The following NAV2 variants were observed in gnomAD, a reference collection of about 807,000 sequenced individuals.
The protein encoded by NAV2 is helicase, APC down-regulated 1.
A neutral mutation model predicts 223.2 loss-of-function variants in NAV2; 54 were observed. The observed-to-expected ratio is 0.24, with a 90% CI of 0.19 to 0.30. The LOEUF (loss-of-function observed/expected upper bound fraction) is 0.30, where lower values mean the gene tolerates loss of function less well. NAV2 is among the 10% of genes least tolerant of loss of function. The pLI, the probability that NAV2 is intolerant of heterozygous loss-of-function variation, is 1.00. For missense variants in NAV2, 2,806 were observed against 3,147.5 expected (o/e 0.89, Z 2.60); for synonymous variants, 1,279 against 1,239.3 (o/e 1.03, Z -0.67).
At chr11:19,914,795 C>A (rs960185597) in intron 6 of NAV2, among the ~76,000 whole-genome samples, 1 of 152,224 alleles carries the variant, frequency 6.6e-6, no homozygotes, top group South Asian at 2.1e-4. Context: ...CCACCCGCCT[C>A]GGCCTCCCAA....
chr11:20,016,429 T>A (rs1180840727), intron 11 of NAV2, among the ~76,000 whole-genome samples: 1 of 152,238 alleles, frequency 6.6e-6, no homozygotes, highest in Non-Finnish European at 1.5e-5. Context: ...GTTTAGAGAT[T>A]AAGGAATATG....
chr11:19,785,220 T>G (rs1425345423), intron 1 of NAV2, among the ~76,000 whole-genome samples: 1 of 152,230 alleles, frequency 6.6e-6, no homozygotes, highest in African/African-American at 2.4e-5. Flanking sequence ...TGGAACAATC[T>G]ACTTCACAGT....
intron 1 of NAV2, among the ~76,000 whole-genome samples, chr11:19,656,238 G>T (rs2048121044): frequency 1.3e-5 from 2 of 152,206 alleles, no homozygotes; most frequent in Non-Finnish European, 2.9e-5. Context: ...GAGAAGAGCT[G>T]CAGGAGGCGC....
chr11:20,080,163 G>A lies in NAV2; in HGVS notation c.5279G>A (p.Gly1760Asp), dbSNP rs768768182. 1.9e-6 allele frequency: 3 copies of A among 1,613,886 alleles called. No individual in the cohort carries two copies. The highest frequency in any genetic ancestry group is 1.3e-5 in the African/African-American group (1 of 74,914). ...INSATSHSSV[G>D]SNIESDSKKK... The stretch of plus-strand genomic sequence containing the variant: ...AGTGCCACCAGCCACTCCAGCGTGG[G>A]CAGCAACATAGAGAGTGACTCAAAG... The change falls in exon 25 of 38, where the codon GGC becomes GAC. Residue 1760 changes from glycine to aspartate, a missense_variant. Gly to Asp is a moderately conservative substitution (Grantham distance 94, BLOSUM62 -1). Around this residue, in one of 4 missense-constraint regions of NAV2, gnomAD observed 824 missense variants for 1,069.4 expected, o/e 0.77. Transcript: ENST00000349880.
At position 19,529,174 on chromosome 11, in the gene NAV2, A is replaced by T. The variant is rs180746159; in HGVS notation, c.75+178147A>T. Among the ~76,000 whole-genome samples, 543 of 152,290 alleles carry T rather than the reference A, an allele frequency of 3.6e-3. 3 individuals are homozygous for T. Among genetic ancestry groups the T allele is most frequent in the African/African-American group, 0.012 (508 of 41,564 alleles). ...ATATTGTCTTTATTTTTCTCATGTT[A>T]TTGGTGCCCCATGAAAACTTCACTG... On this transcript the variant is annotated intron_variant, in intron 1 of 37. Transcript: ENST00000360655.
At chr11:19,763,296 A>G (rs1441406285) in intron 1 of NAV2, among the ~76,000 whole-genome samples, 1 of 152,210 alleles carries the variant, frequency 6.6e-6, no homozygotes, top group Non-Finnish European at 1.5e-5. Context: ...ATGGTGATTG[A>G]TATCTGGAGT....
intron 1 of NAV2, among the ~76,000 whole-genome samples, chr11:19,485,287 A>G (rs557409234): frequency 6.6e-6 from 1 of 152,126 alleles, no homozygotes; most frequent in Admixed American, 6.5e-5. Context: ...GTGTTATCCA[A>G]GGCTCTGTCT....
At chr11:19,594,828 T>G (rs2046162734) in intron 1 of NAV2, among the ~76,000 whole-genome samples, 1 of 152,196 alleles carries the variant, frequency 6.6e-6, no homozygotes, top group African/African-American at 2.4e-5. Context: ...CAATCACAGT[T>G]CCTACTTTGT....
At chr11:19,535,658 C>T (rs374939853) in intron 1 of NAV2, among the ~76,000 whole-genome samples, 5 of 152,214 alleles carry the variant, frequency 3.3e-5, no homozygotes, top group Admixed American at 1.3e-4. Context: ...GTTTCTTCCA[C>T]CTCCTTTGAT....
intron 1 of NAV2, among the ~76,000 whole-genome samples, chr11:19,655,275 T>C (rs1050187384): frequency 6.6e-5 from 10 of 152,172 alleles, no homozygotes; most frequent in Non-Finnish European, 1.2e-4. Context: ...GAAATAGGAA[T>C]GCTTTTGCAC....
intron 1 of NAV2, among the ~76,000 whole-genome samples, chr11:19,702,200 C>G (rs994579229): frequency 6.6e-6 from 1 of 152,130 alleles, no homozygotes; most frequent in Non-Finnish European, 1.5e-5. Flanking sequence ...TCTGTGGGAT[C>G]CGCTTCCCTG....
intron 22 of NAV2, among the ~76,000 whole-genome samples, chr11:20,077,153 T>G (rs1276776399): frequency 6.6e-6 from 1 of 152,166 alleles, no homozygotes; most frequent in Non-Finnish European, 1.5e-5. Context: ...CTGCATGTAT[T>G]TTTAACTATG....
intron 1 of NAV2, among the ~76,000 whole-genome samples, chr11:19,524,254 C>T (rs1162836807): frequency 1.3e-5 from 2 of 152,204 alleles, no homozygotes; most frequent in Admixed American, 6.5e-5. Context: ...AAATTCTGCA[C>T]ATCTGCCACT....
rs187555999 is a variant in NAV2, at chr11:20,045,987, G to T, written c.3902+317G>T. On this transcript the variant is annotated intron_variant, in intron 14 of 37. Transcript: ENST00000349880. ...GGGATGAAGATACTTTTTTGTCAGG[G>T]TTTTTGTAAAGATACATCTTTGTAG... 5.1e-3 allele frequency among the ~76,000 whole-genome samples: 784 copies of T among 152,266 alleles called. 5 individuals are homozygous for T. Among genetic ancestry groups the T allele is most frequent in the Non-Finnish European group, 7.4e-3 (506 of 68,014 alleles).
intron 19 of NAV2, among the ~76,000 whole-genome samples, chr11:20,061,149 A>G (rs2058675136): frequency 6.6e-6 from 1 of 152,230 alleles, no homozygotes. Flanking sequence ...TAACATAGGA[A>G]TAGTTCTGTT....
intron 1 of NAV2, among the ~76,000 whole-genome samples, chr11:19,466,984 T>TCTACACAC (rs200910419): frequency 5.5e-4 from 69 of 125,186 alleles, no homozygotes; most frequent in African/African-American, 1.9e-3. Context: ...TCTCTCTCTC[T>TCTACACAC]ACACACACAC....
chr11:19,735,706 A>G (rs2052221907), intron 1 of NAV2, among the ~76,000 whole-genome samples: 1 of 152,236 alleles, frequency 6.6e-6, no homozygotes, highest in African/African-American at 2.4e-5. Context: ...CCGACAGCCC[A>G]GGAGGTTTGC....
At chr11:20,024,398 A>T (rs910485543) in intron 11 of NAV2, among the ~76,000 whole-genome samples, 19 of 152,178 alleles carry the variant, frequency 1.2e-4, no homozygotes, top group African/African-American at 4.6e-4. Flanking sequence ...AGGAAAGGCC[A>T]GTGACCTTGG....
At chr11:19,527,465 C>T (rs904041518) in intron 1 of NAV2, among the ~76,000 whole-genome samples, 1 of 152,118 alleles carries the variant, frequency 6.6e-6, no homozygotes, top group Non-Finnish European at 1.5e-5. Context: ...TTCATTATCT[C>T]CCAGCCGATA....
Sources: gnomAD v4.1 joint callset for allele counts (sites outside exome capture counted in the v4.1 genomes callset) on GRCh38, gnomAD v4.1.1 for gene constraint, gnomAD v4.1.1 regional missense constraint, MANE v1.5 for transcripts, NCBI Gene and HGNC (gene_info 2026-07-23, HGNC 2026-07-21) for gene names.